Variants in POLI observed in about 807,000 individuals in gnomAD.
The protein encoded by POLI is DNA polymerase iota.
In POLI, 58 loss-of-function variants were observed where a neutral mutation model predicts 51.6. The observed-to-expected ratio is 1.12, with a 90% CI of 0.91 to 1.40. The LOEUF (loss-of-function observed/expected upper bound fraction) is 1.40, where lower values mean the gene tolerates loss of function less well. Ranked by LOEUF, POLI falls within the 40% of genes most tolerant of loss-of-function variation. The pLI is 0.00. For missense variants in POLI, 921 were observed against 871.3 expected (o/e 1.06, Z -0.72); for synonymous variants, 322 against 299.7 (o/e 1.07, Z -0.77).
intron 8 of POLI, among the ~76,000 whole-genome samples, chr18:54,288,905 C>T (rs891650971): frequency 2.0e-5 from 3 of 152,028 alleles, no homozygotes; most frequent in Non-Finnish European, 4.4e-5. Context: ...TTGGACATAT[C>T]TATAATAATG....
intron 3 of POLI, 29 bp downstream of exon 3, chr18:54,274,119 C>G: frequency 8.0e-7 from 1 of 1,257,240 alleles, no homozygotes; most frequent in Non-Finnish European, 1.0e-6. Context: ...GTACTTTTAG[C>G]ATTAATTTTT....
Position 54,293,834 on chromosome 18 carries a change from A to C in POLI, c.1590A>C (p.Glu530Asp). The C allele has an allele frequency of 6.2e-7, 1 of 1,610,210 alleles. No homozygotes were observed. The change falls in exon 10 of 10, where the codon GAA becomes GAC. Residue 530 changes from glutamate (E) to aspartate (D), a missense_variant. Transcript: ENST00000579534. ...LCSLPEGVDQ[E>D]VFKQLPVDIQ... ...CACTTCCTGAAGGTGTTGACCAAGAAGTCTTCAAGCAGCTTCCAGTAGATA... is the reference window on the plus strand; with the variant it reads ...CACTTCCTGAAGGTGTTGACCAAGACGTCTTCAAGCAGCTTCCAGTAGATA...
At chr18:54,319,346 A>G (rs1568162916) in intron 3 of POLI, among the ~76,000 whole-genome samples, 2 of 152,176 alleles carry the variant, frequency 1.3e-5, no homozygotes, top group Non-Finnish European at 2.9e-5. Context: ...CTGATTCATT[A>G]GTATTATGTG....
intron 3 of POLI, among the ~76,000 whole-genome samples, chr18:54,309,505 C>G (rs2088638230): frequency 6.6e-6 from 1 of 152,142 alleles, no homozygotes; most frequent in African/African-American, 2.4e-5. Context: ...TCAGTTGGCC[C>G]CTACTGGGAG....
chr18:54,292,566 C>A (rs3730815), intron 9 of POLI, among the ~76,000 whole-genome samples: 1 of 152,094 alleles, frequency 6.6e-6, no homozygotes, highest in Non-Finnish European at 1.5e-5. Flanking sequence ...CATTTTCAGA[C>A]GACTAAAACA....
intron 3 of POLI, among the ~76,000 whole-genome samples, chr18:54,316,867 CATTAG>C (rs2144653042): frequency 6.6e-6 from 1 of 152,110 alleles, no homozygotes; most frequent in East Asian, 1.9e-4. Context: ...CACTTAACTG[CATTAG>C]ATTAAAGTAC....
At chr18:54,289,647 A>C (rs1264158343) in intron 8 of POLI, among the ~76,000 whole-genome samples, 2 of 146,068 alleles carry the variant, frequency 1.4e-5, no homozygotes, top group South Asian at 4.4e-4. Flanking sequence ...ACAATGGAAC[A>C]GAACAGAGGC....
chr18:54,288,898 G>A (rs2087867926), intron 8 of POLI, among the ~76,000 whole-genome samples: 1 of 151,642 alleles, frequency 6.6e-6, no homozygotes, highest in Admixed American at 6.6e-5. Context: ...TAATTCTTTG[G>A]ACATATCTAT....
intron 8 of POLI, among the ~76,000 whole-genome samples, chr18:54,289,620 A>C (rs3730795): frequency 0.17 from 21,137 of 124,748 alleles, 2,425 homozygotes; most frequent in Non-Finnish European, 0.21. Flanking sequence ...GTACTGGCAG[A>C]AAAACAGAGA....
In POLI at chr18:54,273,915, A is replaced by AT; in HGVS notation, c.242-5dup. On this transcript the variant is annotated splice_polypyrimidine_tract_variant and intron_variant, in intron 2 of 9. Transcript: ENST00000579534. ...ATTGTGCTTGGGTTTCTCATAAAAT[A>AT]TTTTTTACAGGGGTTCAACAGAAAT... The AT allele has an allele frequency of 1.4e-6, 2 of 1,472,344 alleles. No individual in the cohort carries two copies. Among genetic ancestry groups the AT allele is most frequent in the African/African-American group, 1.4e-5 (1 of 69,468 alleles). The allele number at this position is 1,472,344 out of a possible 1,614,324, so 91.2% of individuals were successfully genotyped here.
chr18:54,283,089 C>A, intron 6 of POLI, 74 bp downstream of exon 6: 2 of 951,396 alleles, frequency 2.1e-6, no homozygotes, highest in Non-Finnish European at 3.1e-6. Context: ...AGTTTTAGTA[C>A]CATGTTCTTA....
intron 3 of POLI, among the ~76,000 whole-genome samples, chr18:54,306,830 C>A (rs1045789543): frequency 6.6e-6 from 1 of 152,068 alleles, no homozygotes; most frequent in African/African-American, 2.4e-5. Context: ...GGAATTTATC[C>A]ATTTCTTCTA....
At chr18:54,314,575 T>C (rs200007112) in intron 3 of POLI, among the ~76,000 whole-genome samples, 5 of 152,266 alleles carry the variant, frequency 3.3e-5, no homozygotes, top group African/African-American at 9.6e-5. Context: ...ATATGTCTTA[T>C]AGAATTCAGC....
At position 54,294,297 on chromosome 18, in the gene POLI, T is replaced by C; in HGVS notation, c.2053T>C (p.Ser685Pro). 2 of 1,613,522 alleles carry C rather than the reference T, an allele frequency of 1.2e-6. No individual in the cohort carries two copies. Among genetic ancestry groups the C allele is most frequent in the South Asian group, 2.2e-5 (2 of 91,070 alleles). ...DSHKQTVATD[S>P]HEGLTENREP... is the part of the protein sequence containing the mutation. ...CCATAAGCAAACAGTAGCAACAGAC[T>C]CTCATGAAGGACTTACAGAAAATAG... Residue 685 changes from serine to proline, a missense_variant, in exon 10 of 10, where the codon TCT becomes CCT. By Grantham distance (74) the Ser-to-Pro change is moderately conservative. Transcript: ENST00000579534.
At chr18:54,309,120 C>G (rs1403034439) in intron 3 of POLI, among the ~76,000 whole-genome samples, 1 of 152,198 alleles carries the variant, frequency 6.6e-6, no homozygotes, top group Non-Finnish European at 1.5e-5. Flanking sequence ...CAGCTTTGTT[C>G]CATTGCTGGC....
At position 54,269,632 on chromosome 18, in the gene POLI, C is replaced by T. The variant is rs774616516; in HGVS notation, c.86C>T (p.Ala29Val). The T allele has an allele frequency of 3.3e-6, 5 of 1,508,120 alleles. No homozygotes were observed. The highest frequency in any genetic ancestry group is 2.9e-5 in the African/African-American group (2 of 68,720). 93.4% of individuals were successfully genotyped at this position (1,508,120 alleles called of 1,614,324 possible). Residue 29 changes from alanine to valine, a missense_variant, in exon 1 of 10, where the codon GCG becomes GTG. Physicochemically the swap from Ala to Val is moderately conservative, Grantham distance 64. Coordinates refer to ENST00000579534, the MANE Select transcript of POLI (RefSeq NM_007195.3). Reference sequence around the variant, plus strand: ...GCCGAGGCCTGGGCCATGGAACTGGCGGACGTGGGGGCGGCAGCCAGCTCG... The same window carrying T: ...GCCGAGGCCTGGGCCATGGAACTGGTGGACGTGGGGGCGGCAGCCAGCTCG... ...EDAEAWAMEL[A>V]DVGAAASSQG... is the part of the protein sequence containing the mutation.
At chr18:54,284,453 C>A (rs980627777) in intron 7 of POLI, among the ~76,000 whole-genome samples, 2 of 152,082 alleles carry the variant, frequency 1.3e-5, no homozygotes, top group Non-Finnish European at 2.9e-5. Context: ...AATACAAAAC[C>A]CGTGAAATTA....
rs1599250922 is a variant in POLI, at chr18:54,294,697, T to C, written c.*230T>C. 2.7e-6 allele frequency: 3 copies of C among 1,121,226 alleles called. No individual in the cohort carries two copies. In the East Asian group the frequency reaches 1.3e-4, roughly 49 times the overall value. The allele number at this position is 1,121,226 out of a possible 1,614,324, so 69.5% of individuals were successfully genotyped here. A position where few individuals can be genotyped will look rare whatever the true frequency, so the allele number is the denominator to read the frequency against. Reference sequence around the variant, plus strand: ...TATGTCTAAAGCCATTTTATATTACTTTTCAATAAAAAGAATATCATGGTC... The same window carrying C: ...TATGTCTAAAGCCATTTTATATTACCTTTCAATAAAAAGAATATCATGGTC... On this transcript the variant is annotated 3_prime_UTR_variant, in exon 10 of 10. Transcript: ENST00000579534.
At chr18:54,315,087 T>C (rs2088716253) in intron 3 of POLI, among the ~76,000 whole-genome samples, 1 of 152,178 alleles carries the variant, frequency 6.6e-6, no homozygotes, top group South Asian at 2.1e-4. Flanking sequence ...CTAACATTGA[T>C]GTAGGCATCT....
Sources: gnomAD v4.1 joint callset for allele counts (sites outside exome capture counted in the v4.1 genomes callset) on GRCh38, gnomAD v4.1.1 for gene constraint, MANE v1.5 for transcripts, NCBI Gene and HGNC (gene_info 2026-07-23, HGNC 2026-07-21) for gene names.